Variants in CHST11 observed in about 807,000 individuals in gnomAD.
The protein encoded by CHST11 is carbohydrate sulfotransferase 11.
CHST11 carries 9 observed loss-of-function variants against 30.4 expected under a neutral mutation model. That is an observed-to-expected ratio of 0.30 (90% CI 0.18 to 0.52). The LOEUF is 0.52. CHST11 is among the 20% of genes least tolerant of loss of function. The pLI is 0.97. For missense variants in CHST11, 348 were observed against 460.6 expected, an observed-to-expected ratio of 0.76 and a Z score of 2.24; for synonymous variants, 152 against 187.8, an observed-to-expected ratio of 0.81 and a Z score of 1.56.
chr12:104,522,252 C>T (rs2038080978), intron 1 of CHST11, among the ~76,000 whole-genome samples: 1 of 152,182 alleles, frequency 6.6e-6, no homozygotes, highest in South Asian at 2.1e-4. Flanking sequence ...TCCTTAGCTG[C>T]ATAAACTTGG....
intron 2 of CHST11, among the ~76,000 whole-genome samples, chr12:104,671,419 G>A (rs912482553): frequency 7.9e-5 from 12 of 152,122 alleles, no homozygotes; most frequent in Non-Finnish European, 1.3e-4. Flanking sequence ...AAGAATATTC[G>A]ATGAGGAGAG....
At chr12:104,465,913 G>T (rs2037452811) in intron 1 of CHST11, among the ~76,000 whole-genome samples, 1 of 151,606 alleles carries the variant, frequency 6.6e-6, no homozygotes, top group African/African-American at 2.4e-5. Context: ...CTGTCGCCCA[G>T]GCTGGAATGT....
chr12:104,601,068 C>G (rs1251344753), intron 1 of CHST11, among the ~76,000 whole-genome samples: 2 of 150,766 alleles, frequency 1.3e-5, no homozygotes, highest in Non-Finnish European at 3.0e-5. Flanking sequence ...TCCTTCCCTC[C>G]TACCTTCCTT....
chr12:104,507,189 G>A lies in CHST11; in HGVS notation c.118+49660G>A, dbSNP rs138144100. 8.0e-3 allele frequency among the ~76,000 whole-genome samples: 1,216 copies of A among 152,312 alleles called. 16 individuals carry two copies. Among genetic ancestry groups the A allele is most frequent in the African/African-American group, 0.028 (1,147 of 41,564 alleles). ...CTGTGCGTGTTGCAGAGCTCCCGGG[G>A]AGGGCAAGGATGTGAAGTGCGAGCA... On this transcript the variant is annotated intron_variant, in intron 1 of 2. Transcript: ENST00000303694.
intron 1 of CHST11, among the ~76,000 whole-genome samples, chr12:104,562,765 G>T (rs546455020): frequency 2.0e-5 from 3 of 152,174 alleles, no homozygotes; most frequent in African/African-American, 7.2e-5. Flanking sequence ...GTTGAGTTAG[G>T]GCTGAGTCTT....
chr12:104,575,105 A>G (rs926352692), intron 1 of CHST11, among the ~76,000 whole-genome samples: 4 of 151,892 alleles, frequency 2.6e-5, no homozygotes, highest in Non-Finnish European at 4.4e-5. Flanking sequence ...AGGCACAAGA[A>G]TTACTTGAAC....
At chr12:104,594,635 G>C (rs138345067) in intron 1 of CHST11, among the ~76,000 whole-genome samples, 2 of 152,232 alleles carry the variant, frequency 1.3e-5, no homozygotes, top group Non-Finnish European at 2.9e-5. Flanking sequence ...CAATGCACTT[G>C]GGTTCTAAGT....
At chr12:104,731,321 C>T (rs1332514194) in intron 2 of CHST11, among the ~76,000 whole-genome samples, 2 of 152,204 alleles carry the variant, frequency 1.3e-5, no homozygotes, top group Non-Finnish European at 2.9e-5. Flanking sequence ...CAGTTCAATC[C>T]GTAAGCAAAC....
At chr12:104,585,961 A>G (rs542944859) in intron 1 of CHST11, among the ~76,000 whole-genome samples, 2 of 152,156 alleles carry the variant, frequency 1.3e-5, no homozygotes, top group African/African-American at 4.8e-5. Flanking sequence ...CTCTTCTCAT[A>G]AGGACACTAG....
intron 1 of CHST11, among the ~76,000 whole-genome samples, chr12:104,504,312 T>A (rs1197857444): frequency 6.6e-6 from 1 of 152,260 alleles, no homozygotes; most frequent in Non-Finnish European, 1.5e-5. Context: ...TGTGTTAATG[T>A]AATTAGCTCA....
chr12:104,679,575 C>T (rs1027573158), intron 2 of CHST11, among the ~76,000 whole-genome samples: 7 of 152,100 alleles, frequency 4.6e-5, no homozygotes, highest in Non-Finnish European at 1.0e-4. Flanking sequence ...CTGATGAGAC[C>T]CCAGCAGCTG....
At chr12:104,681,429 C>T (rs1592835858) in intron 2 of CHST11, among the ~76,000 whole-genome samples, 1 of 152,082 alleles carries the variant, frequency 6.6e-6, no homozygotes, top group East Asian at 1.9e-4. Context: ...TTGCATAGGG[C>T]TTAGAAAGGG....
intron 2 of CHST11, among the ~76,000 whole-genome samples, chr12:104,703,727 G>A (rs1246825432): frequency 1.3e-5 from 2 of 152,240 alleles, no homozygotes; most frequent in Non-Finnish European, 2.9e-5. Context: ...CAGGCTCACT[G>A]TGTGGTTCCT....
chr12:104,695,139 A>C (rs1413531167), intron 2 of CHST11, among the ~76,000 whole-genome samples: 1 of 152,128 alleles, frequency 6.6e-6, no homozygotes, highest in East Asian at 1.9e-4. Flanking sequence ...AAGCAACAGG[A>C]TTTCTTTGAG....
chr12:104,524,851 A>G (rs2135990524), intron 1 of CHST11, among the ~76,000 whole-genome samples: 1 of 152,362 alleles, frequency 6.6e-6, no homozygotes, highest in South Asian at 2.1e-4. Context: ...CTTCCTTGAC[A>G]CATACCTATT....
intron 1 of CHST11, among the ~76,000 whole-genome samples, chr12:104,582,251 A>G (rs987629595): frequency 6.6e-6 from 1 of 152,078 alleles, no homozygotes; most frequent in African/African-American, 2.4e-5. Flanking sequence ...GGGGGTTAAG[A>G]AGCTTGCAGA....
chr12:104,670,694 C>A (rs375445200), intron 2 of CHST11, among the ~76,000 whole-genome samples: 16 of 151,158 alleles, frequency 1.1e-4, no homozygotes, highest in South Asian at 6.3e-4. Context: ...CATACCCCTG[C>A]ATACACACAC....
At chr12:104,555,687 A>G (rs926331871) in intron 1 of CHST11, among the ~76,000 whole-genome samples, 6 of 152,254 alleles carry the variant, frequency 3.9e-5, no homozygotes, top group African/African-American at 1.4e-4. Flanking sequence ...CCTCATGGCC[A>G]TGCCTGGGAG....
chr12:104,736,850 G>GA (rs1470340895), intron 2 of CHST11, among the ~76,000 whole-genome samples: 3 of 152,142 alleles, frequency 2.0e-5, no homozygotes, highest in African/African-American at 4.8e-5. Context: ...AAACTGCCCT[G>GA]AAAATCTGAT....
Sources: allele counts gnomAD v4.1 joint callset (sites outside exome capture counted in the v4.1 genomes callset), GRCh38; gene constraint gnomAD v4.1.1; transcripts MANE v1.5; gene names NCBI Gene and HGNC (gene_info 2026-07-23, HGNC 2026-07-21).